NFATC2: variants seen among roughly 807,000 people sequenced by gnomAD.
NFATC2 encodes the protein nuclear factor of activated T-cells, cytoplasmic 2.
Under a neutral mutation model 87.3 loss-of-function variants are expected in NFATC2, and 22 were observed. The ratio of observed to expected loss-of-function variants is 0.25; its 90% CI spans 0.18 to 0.36. NFATC2 has a LOEUF of 0.36. Ranked by LOEUF, NFATC2 falls within the 10% of genes least tolerant of loss-of-function variation. NFATC2 has a pLI of 1.00. For synonymous variants in NFATC2, 565 were observed against 542.2 expected (o/e 1.04, Z -0.58); for missense variants, 1,149 against 1,259.1 (o/e 0.91, Z 1.32).
chr20:51,462,697 G>A (rs1987283933), intron 5 of NFATC2, among the ~76,000 whole-genome samples: 5 of 152,136 alleles, frequency 3.3e-5, no homozygotes, highest in Admixed American at 2.6e-4. Flanking sequence ...GATTAAATGA[G>A]CTAATCCATG....
Position 51,524,133 on chromosome 20 carries a change from G to T in NFATC2, c.131-23C>A, listed in dbSNP as rs776682923. ...CTTCTGGAAAGAGAAGGGGGAAGGG[G>T]GTTCTTTTTAAGCCTCAAAAACAGA... On this transcript the variant is annotated intron_variant, in intron 1 of 10. Transcript: ENST00000371564. The surrounding 1 kb of genome is among the most constrained non-coding windows in gnomAD (Gnocchi z 4.0). 7.0e-7 allele frequency: 1 copy of T among 1,436,186 alleles called. No homozygotes were observed. The highest frequency in any genetic ancestry group is 9.1e-7 in the Non-Finnish European group (1 of 1,096,008). The allele number at this position is 1,436,186 out of a possible 1,614,324, so 89.0% of individuals were successfully genotyped here. A position where few individuals can be genotyped will look rare whatever the true frequency, so the allele number is the denominator to read the frequency against.
intron 10 of NFATC2, among the ~76,000 whole-genome samples, chr20:51,393,977 T>A (rs528852763): frequency 3.0e-5 from 4 of 134,656 alleles, no homozygotes; most frequent in African/African-American, 1.3e-4. Context: ...ATGGTCCTGC[T>A]GATGGAAATG....
In NFATC2 at chr20:51,388,248, A is replaced by G. The variant is rs1985972189; in HGVS notation, c.*3248T>C. The G allele has an allele frequency of 6.6e-6, 1 of 152,184 alleles. No homozygotes were observed. Among genetic ancestry groups the G allele is most frequent in the Admixed American group, 6.5e-5 (1 of 15,278 alleles). The allele number at this position is 152,184 out of a possible 1,614,324, so 9.4% of individuals were successfully genotyped here. On this transcript the variant is annotated 3_prime_UTR_variant, in exon 11 of 11. Coordinates refer to ENST00000371564, the MANE Select transcript of NFATC2 (RefSeq NM_012340.5). Reference sequence around the variant, plus strand: ...GTGTCAATTTTTTAAAATCAAAATCACCTACTAAATTAGTTATTTTGGGGG... The same window carrying G: ...GTGTCAATTTTTTAAAATCAAAATCGCCTACTAAATTAGTTATTTTGGGGG...
At chr20:51,403,324 C>T (rs539941096) in intron 9 of NFATC2, among the ~76,000 whole-genome samples, 24 of 152,354 alleles carry the variant, frequency 1.6e-4, no homozygotes, top group Non-Finnish European at 3.1e-4. Context: ...GATCCACATG[C>T]GTGGCCCTTG....
chr20:51,522,352 G>T (rs1434730784), intron 2 of NFATC2, among the ~76,000 whole-genome samples: 1 of 152,144 alleles, frequency 6.6e-6, no homozygotes, highest in African/African-American at 2.4e-5. Context: ...GCTTCATAAA[G>T]GTGCCCAATG....
intron 3 of NFATC2, among the ~76,000 whole-genome samples, chr20:51,484,128 C>T (rs911449883): frequency 4.0e-5 from 6 of 151,824 alleles, no homozygotes; most frequent in Non-Finnish European, 8.8e-5. Context: ...ATGACAGCCA[C>T]ACTGGCCTTG....
At chr20:51,393,224 C>T (rs1986574985) in intron 10 of NFATC2, among the ~76,000 whole-genome samples, 1 of 151,338 alleles carries the variant, frequency 6.6e-6, no homozygotes, top group Non-Finnish European at 1.5e-5. Flanking sequence ...AGATTTCCAC[C>T]TCTGCCACTT....
At chr20:51,519,913 C>G (rs932574693) in intron 2 of NFATC2, among the ~76,000 whole-genome samples, 5 of 130,312 alleles carry the variant, frequency 3.8e-5, no homozygotes, top group Non-Finnish European at 8.0e-5. Flanking sequence ...GAGACTCCAT[C>G]TAAAAAAAAA....
At chr20:51,562,752 G>C, upstream of NFATC2, 1 of 899,446 alleles carries the variant, frequency 1.1e-6, no homozygotes, top group South Asian at 1.7e-5. The surrounding 1 kb of genome is among the most constrained non-coding windows in gnomAD (Gnocchi z 5.8). Flanking sequence ...GAGGAGCCTC[G>C]GAGCGACCCG....
intron 3 of NFATC2, among the ~76,000 whole-genome samples, chr20:51,506,583 A>G (rs1036298710): frequency 2.0e-4 from 29 of 145,016 alleles, no homozygotes; most frequent in African/African-American, 6.4e-4. Context: ...TAGGAGTCTC[A>G]TTCATGGGAC....
chr20:51,451,584 G>A (rs901598403), intron 6 of NFATC2, among the ~76,000 whole-genome samples: 2 of 152,200 alleles, frequency 1.3e-5, no homozygotes, highest in African/African-American at 4.8e-5. Context: ...CTTCAATCCC[G>A]GACCACAGAC....
Position 51,461,327 on chromosome 20 carries a change from G to A in NFATC2, c.1709-6639C>T, listed in dbSNP as rs76927063. On this transcript the variant is annotated intron_variant, in intron 5 of 10. Coordinates refer to ENST00000371564, the MANE Select transcript of NFATC2 (RefSeq NM_012340.5). ...GACTGCAGACAATCCAAACCGCACA[G>A]CCTGCAGTTTTCCAACCAAACCAGG... Among the ~76,000 whole-genome samples, 771 of 152,242 alleles carry A rather than the reference G, an allele frequency of 5.1e-3. 5 individuals are homozygous for A. The highest frequency in any genetic ancestry group is 9.9e-3 in the Admixed American group (152 of 15,296).
upstream of NFATC2, chr20:51,562,780 G>C (rs1477229253): frequency 1.6e-6 from 1 of 633,294 alleles, no homozygotes; most frequent in Admixed American, 3.0e-5. The surrounding 1 kb of genome is among the most constrained non-coding windows in gnomAD (Gnocchi z 5.8). Context: ...CGCGCCTCCC[G>C]GCTCCCGGCT....
intron 9 of NFATC2, among the ~76,000 whole-genome samples, chr20:51,413,941 A>G (rs1051817748): frequency 2.6e-5 from 4 of 152,222 alleles, no homozygotes; most frequent in Non-Finnish European, 5.9e-5. Context: ...AAAGTCTTAG[A>G]AGAATGTCTG....
intron 8 of NFATC2, among the ~76,000 whole-genome samples, chr20:51,434,800 C>A (rs1157664494): frequency 6.6e-6 from 1 of 152,142 alleles, no homozygotes; most frequent in African/African-American, 2.4e-5. Context: ...GGGGGGGTCA[C>A]ATAAAGATTC....
At chr20:51,546,518 C>T (rs1862766889), upstream of NFATC2, among the ~76,000 whole-genome samples, 1 of 152,162 alleles carries the variant, frequency 6.6e-6, no homozygotes, top group Non-Finnish European at 1.5e-5. Context: ...GCATCGCTGT[C>T]AACTTTCTCT....
At chr20:51,542,189 C>A (rs2076829778) in intron 1 of NFATC2, among the ~76,000 whole-genome samples, 181 bp downstream of exon 1, 1 of 152,154 alleles carries the variant, frequency 6.6e-6, no homozygotes, top group Non-Finnish European at 1.5e-5. Context: ...GGGAGCCGAC[C>A]GCCCCCTAAG....
In NFATC2 at chr20:51,523,208, T is replaced by C. The variant is rs1013786213; in HGVS notation, c.1033A>G (p.Ile345Val). Residue 345 changes from isoleucine (I) to valine (V), a missense_variant, in exon 2 of 11, where the codon ATC becomes GTC. By Grantham distance (29) the Ile-to-Val change is conservative. Coordinates refer to ENST00000371564, the MANE Select transcript of NFATC2 (RefSeq NM_012340.5). This position sits in a 1 kb window ranked among gnomAD's most constrained non-coding sequence, Gnocchi z 6.9. ...APSKAGLPRHIYPAVEFLGPC... is the reference protein window; with the variant it reads ...APSKAGLPRHVYPAVEFLGPC... Reference sequence around the variant, plus strand: ...CCCAGGAACTCCACGGCCGGGTAGATGTGGCGAGGCAGGCCGGCCTTGGAT... The same window carrying C: ...CCCAGGAACTCCACGGCCGGGTAGACGTGGCGAGGCAGGCCGGCCTTGGAT... 2 of 1,613,820 alleles carry C rather than the reference T, an allele frequency of 1.2e-6. No homozygotes were observed. Among genetic ancestry groups the C allele is most frequent in the Middle Eastern group, 1.6e-4 (1 of 6,080 alleles).
chr20:51,388,051 T>C lies in NFATC2; in HGVS notation c.*3445A>G, dbSNP rs1416657648. On this transcript the variant is annotated 3_prime_UTR_variant, in exon 11 of 11. Transcript: ENST00000371564. ...CCTCCCAGTTCTTTGAAGGAATCAA[T>C]TCATCCTTGGTTATATCTATGCTGG... The C allele has an allele frequency of 6.6e-6, 1 of 152,070 alleles. No homozygotes were observed. Among genetic ancestry groups the C allele is most frequent in the East Asian group, 1.9e-4 (1 of 5,192 alleles). 9.4% of individuals were successfully genotyped at this position (152,070 alleles called of 1,614,324 possible).
Sources: allele counts gnomAD v4.1 joint callset (sites outside exome capture counted in the v4.1 genomes callset), GRCh38; gene constraint gnomAD v4.1.1; non-coding constraint Gnocchi (gnomAD v3.1); transcripts MANE v1.5; gene names NCBI Gene and HGNC (gene_info 2026-07-23, HGNC 2026-07-21).